The following PROZ variants were observed in gnomAD, a reference collection of about 807,000 sequenced individuals.
PROZ encodes vitamin K-dependent protein Z.
In PROZ, 46 loss-of-function variants were observed where a neutral mutation model predicts 34.9. That is an observed-to-expected ratio of 1.32 (90% CI 1.04 to 1.69). PROZ has a LOEUF of 1.69. PROZ is among the 40% of genes most tolerant of loss of function. The pLI, the probability that PROZ is intolerant of heterozygous loss-of-function variation, is 0.00. For missense variants in PROZ, 530 were observed against 520.4 expected (o/e 1.02, Z -0.18); for synonymous variants, 195 against 208.5 (o/e 0.94, Z 0.56).
intron 6 of PROZ, among the ~76,000 whole-genome samples, chr13:113,166,912 G>A (rs978546825): frequency 6.6e-6 from 1 of 152,164 alleles, no homozygotes; most frequent in Non-Finnish European, 1.5e-5. Flanking sequence ...ATACCAGCAA[G>A]GCTAAGAGCC....
Position 113,171,526 on chromosome 13 carries a change from G to A in PROZ, c.692-68G>A. 27 of 1,603,896 alleles carry A rather than the reference G, an allele frequency of 1.7e-5. No individual in the cohort carries two copies. Among genetic ancestry groups the A allele is most frequent in the Non-Finnish European group, 2.3e-5 (27 of 1,175,098 alleles). ...CCCTCCTCACGTGGCTCCCTGAGAA[G>A]CTCGTTTGAGCATTATGTCCCCTTG... is the stretch of plus-strand genomic sequence containing the variant. On this transcript the variant is annotated intron_variant, in intron 7 of 7. Coordinates refer to ENST00000375547, the MANE Select transcript of PROZ (RefSeq NM_003891.3). The surrounding 1 kb of genome is among the most constrained non-coding windows in gnomAD (Gnocchi z 5.1).
rs535697073 is a variant in PROZ, at chr13:113,159,879, G to T, written c.71-135G>T. On this transcript the variant is annotated intron_variant, in intron 1 of 7. Transcript: ENST00000375547. This position sits in a 1 kb window ranked among gnomAD's most constrained non-coding sequence, Gnocchi z 4.6. ...GGGGAGGGAGTAGCGGGGTGGCCCT[G>T]AGGCCCTCGCAGGCTGAGAGCCTGT... The T allele has an allele frequency of 2.2e-4, 231 of 1,037,764 alleles. 2 individuals carry two copies. In the East Asian group the frequency reaches 5.4e-3, roughly 24 times the overall value. 64.3% of individuals were successfully genotyped at this position (1,037,764 alleles called of 1,614,324 possible). A position where few individuals can be genotyped will look rare whatever the true frequency, so the allele number is the denominator to read the frequency against.
chr13:113,160,310 GT>G, intron 2 of PROZ, 133 bp downstream of exon 2: 1 of 1,157,674 alleles, frequency 8.6e-7, no homozygotes, highest in Non-Finnish European at 1.3e-6. Flanking sequence ...CACAATCCCA[GT>G]TTTACAGATG....
In PROZ at chr13:113,171,637, G is replaced by C. The variant is rs767733561; in HGVS notation, c.735G>C (p.Thr245=). 6.2e-7 allele frequency: 1 copy of C among 1,614,130 alleles called. No homozygotes were observed. Among genetic ancestry groups the C allele is most frequent in the Non-Finnish European group, 8.5e-7 (1 of 1,180,032 alleles). The part of the protein sequence containing the change: ...TSQDPLMIKI[T]HVHVHMRYDA... ...AAGACCCGCTGATGATCAAGATAAC[G>C]CACGTCCATGTGCACATGCGGTATG... Residue 245 remains threonine (T), a synonymous_variant, in exon 8 of 8, where the codon ACG becomes ACC. Transcript: ENST00000375547. This position sits in a 1 kb window ranked among gnomAD's most constrained non-coding sequence, Gnocchi z 5.1.
chr13:113,168,848 C>T (rs537948951), intron 6 of PROZ, among the ~76,000 whole-genome samples: 47 of 152,258 alleles, frequency 3.1e-4, no homozygotes, highest in African/African-American at 1.0e-3. Flanking sequence ...CCCACCTCAG[C>T]GTCTTGAGTA....
Position 113,165,057 on chromosome 13 carries a change from G to A in PROZ, c.510G>A (p.Gln170=). Residue 170 remains glutamine (Q), a synonymous_variant, in exon 6 of 8, where the codon CAG becomes CAA. Transcript: ENST00000375547. The part of the protein sequence containing the change: ...EDHKQCVPHD[Q]CACGVLTSEK... ...ATGTTGCTGCCGCAAATGCAGACCA[G>A]TGTGCCTGCGGGGTGCTGACCTCTG... The A allele has an allele frequency of 6.2e-7, 1 of 1,613,488 alleles. No individual in the cohort carries two copies. The highest frequency in any genetic ancestry group is 8.5e-7 in the Non-Finnish European group (1 of 1,180,008).
rs750999097 is a variant in PROZ, at chr13:113,163,099, A to G, written c.350A>G (p.Tyr117Cys). The G allele has an allele frequency of 7.1e-6, 11 of 1,555,522 alleles. No individual in the cohort carries two copies. In the South Asian group the frequency reaches 1.2e-4, roughly 17 times the overall value. Residue 117 changes from tyrosine to cysteine, a missense_variant, in exon 4 of 8, where the codon TAT (tyrosine) becomes TGT (cysteine). By Grantham distance (194) the Tyr-to-Cys change is radical. Coordinates refer to ENST00000375547, the MANE Select transcript of PROZ (RefSeq NM_003891.3). ...TACACCTGCACCTGCTCCCCCGGCT[A>G]TGAGGGCAGCAACTGCGAGCTGGGT... is the stretch of plus-strand genomic sequence containing the variant. ...WGYTCTCSPG[Y>C]EGSNCELAKN...
rs746690465 is a variant in PROZ at position 113,160,146 on chromosome 13, CAAGAG to C, written c.207_211del (p.Arg69SerfsTer3). Reference sequence around the variant, plus strand: ...GAAGAAATCTGTGTCTATGAAGAAGCAAGAGAAGTGTTTGAAAATGAAGTAGTCAC... The same window carrying C: ...GAAGAAATCTGTGTCTATGAAGAAGCAAGTGTTTGAAAATGAAGTAGTCAC... On this transcript the variant is annotated frameshift_variant, in exon 2 of 8. Coordinates refer to ENST00000375547, the MANE Select transcript of PROZ (RefSeq NM_003891.3). LOFTEE classifies it high-confidence loss of function. 4 of 1,614,158 alleles carry C rather than the reference CAAGAG, an allele frequency of 2.5e-6. No individual in the cohort carries two copies. Among genetic ancestry groups the C allele is most frequent in the Non-Finnish European group, 3.4e-6 (4 of 1,180,032 alleles).
Position 113,171,535 on chromosome 13 carries a change from A to C in PROZ, c.692-59A>C. 6.2e-7 allele frequency: 1 copy of C among 1,609,858 alleles called. No homozygotes were observed. Among genetic ancestry groups the C allele is most frequent in the Non-Finnish European group, 8.5e-7 (1 of 1,178,230 alleles). ...CGTGGCTCCCTGAGAAGCTCGTTTGAGCATTATGTCCCCTTGAAAATCAGA... is the reference window on the plus strand; with the variant it reads ...CGTGGCTCCCTGAGAAGCTCGTTTGCGCATTATGTCCCCTTGAAAATCAGA... On this transcript the variant is annotated intron_variant, in intron 7 of 7. Transcript: ENST00000375547. The surrounding 1 kb of genome is among the most constrained non-coding windows in gnomAD (Gnocchi z 5.1).
chr13:113,164,481 C>A (rs189431886), intron 4 of PROZ, 32 bp from the exon 5 acceptor site: 9 of 1,584,392 alleles, frequency 5.7e-6, no homozygotes, highest in African/African-American at 1.5e-5. Context: ...TATTTCCAAG[C>A]TAGCATTTCC....
rs772665917 is a variant in PROZ, at chr13:113,172,145, G to T, written c.*40G>T. On this transcript the variant is annotated 3_prime_UTR_variant, in exon 8 of 8. Transcript: ENST00000375547. The stretch of plus-strand genomic sequence containing the variant: ...GCCAGAATGAACAACACAACCGGAA[G>T]CGGGATTCCAAGCTGGCACTGCCAC... 6.2e-7 allele frequency: 1 copy of T among 1,606,344 alleles called. No individual in the cohort carries two copies. Among genetic ancestry groups the T allele is most frequent in the South Asian group, 1.1e-5 (1 of 90,160 alleles).
chr13:113,172,183 T>C lies in PROZ; in HGVS notation c.*78T>C, dbSNP rs2037129607. On this transcript the variant is annotated 3_prime_UTR_variant, in exon 8 of 8. Coordinates refer to ENST00000375547, the MANE Select transcript of PROZ (RefSeq NM_003891.3). ...CTGGCACTGCCACTGTGGAGGGCGC[T>C]GAAACTTCATCACACACTGAGAGGC... 1 of 1,557,038 alleles carries C rather than the reference T, an allele frequency of 6.4e-7. No homozygotes were observed. The highest frequency in any genetic ancestry group is 1.4e-5 in the African/African-American group (1 of 73,866).
Position 113,171,499 on chromosome 13 carries a change from C to G in PROZ, c.692-95C>G. On this transcript the variant is annotated intron_variant, in intron 7 of 7. Coordinates refer to ENST00000375547, the MANE Select transcript of PROZ (RefSeq NM_003891.3). This position sits in a 1 kb window ranked among gnomAD's most constrained non-coding sequence, Gnocchi z 5.1. ...CCTGCGGGTCCTCCAGGGCCGGTCT[C>G]TCCCTCCTCACGTGGCTCCCTGAGA... The G allele has an allele frequency of 6.5e-7, 1 of 1,532,632 alleles. No homozygotes were observed. The allele number at this position is 1,532,632 out of a possible 1,614,324, so 94.9% of individuals were successfully genotyped here. A position where few individuals can be genotyped will look rare whatever the true frequency, so the allele number is the denominator to read the frequency against.
chr13:113,167,118 T>C (rs1050635917), intron 6 of PROZ, among the ~76,000 whole-genome samples: 2 of 152,216 alleles, frequency 1.3e-5, no homozygotes, highest in African/African-American at 4.8e-5. Context: ...TAGCAGGACA[T>C]AGGGTTGAAG....
Position 113,171,976 on chromosome 13 carries a change from C to T in PROZ, c.1074C>T (p.Thr358=), listed in dbSNP as rs2037124564. ...AMHWMDGSVV[T]REHRGSWFLT... ...ACTGGATGGATGGAAGTGTGGTCAC[C>T]AGAGAACACAGAGGCTCCTGGTTTC... The change falls in exon 8 of 8, where the codon ACC becomes ACT. Residue 358 remains threonine, a synonymous_variant. Coordinates refer to ENST00000375547, the MANE Select transcript of PROZ (RefSeq NM_003891.3). The surrounding 1 kb of genome is among the most constrained non-coding windows in gnomAD (Gnocchi z 5.1). 2 of 1,613,396 alleles carry T rather than the reference C, an allele frequency of 1.2e-6. No homozygotes were observed. Among genetic ancestry groups the T allele is most frequent in the South Asian group, 1.1e-5 (1 of 91,076 alleles).
Position 113,172,282 on chromosome 13 carries a change from C to CT in PROZ, c.*178dup. The CT allele has an allele frequency of 1.3e-6, 1 of 780,058 alleles. No individual in the cohort carries two copies. The highest frequency in any genetic ancestry group is 1.6e-5 in the South Asian group (1 of 60,810). 48.3% of individuals were successfully genotyped at this position (780,058 alleles called of 1,614,324 possible). On this transcript the variant is annotated 3_prime_UTR_variant, in exon 8 of 8. Coordinates refer to ENST00000375547, the MANE Select transcript of PROZ (RefSeq NM_003891.3). Reference sequence around the variant, plus strand: ...CGTTTGCTGGGTTGTTTACCGAGCACTGTGACCTTTCTTTCCCTGGAACTC... The same window carrying CT: ...CGTTTGCTGGGTTGTTTACCGAGCACTTGTGACCTTTCTTTCCCTGGAACTC...
In PROZ at chr13:113,158,832, C is replaced by A. The variant is rs2036708142; in HGVS notation, c.70+102C>A. On this transcript the variant is annotated intron_variant, in intron 1 of 7. Transcript: ENST00000375547. This position sits in a 1 kb window ranked among gnomAD's most constrained non-coding sequence, Gnocchi z 4.3. ...AGGCTTTTTCCAGGAGCCAGAGGAG[C>A]CCTGAGTGCCCAGACTAGTCTTAAT... 1 of 1,146,866 alleles carries A rather than the reference C, an allele frequency of 8.7e-7. No individual in the cohort carries two copies. Among genetic ancestry groups the A allele is most frequent in the Non-Finnish European group, 1.3e-6 (1 of 787,244 alleles). 71.0% of individuals were successfully genotyped at this position (1,146,866 alleles called of 1,614,324 possible).
At position 113,158,783 on chromosome 13, in the gene PROZ, C is replaced by G. The variant is rs893736174; in HGVS notation, c.70+53C>G. 9.9e-6 allele frequency: 15 copies of G among 1,517,766 alleles called. No homozygotes were observed. The highest frequency in any genetic ancestry group is 1.3e-5 in the Non-Finnish European group (15 of 1,116,366). The allele number at this position is 1,517,766 out of a possible 1,614,324, so 94.0% of individuals were successfully genotyped here. ...TGCCTGTGCTGTGTCTTTCTTGACT[C>G]GGTCCATGGTGGATTTGTAGATGAG... On this transcript the variant is annotated intron_variant, in intron 1 of 7. Coordinates refer to ENST00000375547, the MANE Select transcript of PROZ (RefSeq NM_003891.3). The surrounding 1 kb of genome is among the most constrained non-coding windows in gnomAD (Gnocchi z 4.3).
chr13:113,165,121 G>T lies in PROZ; in HGVS notation c.573+1G>T. 1 of 1,610,790 alleles carries T rather than the reference G, an allele frequency of 6.2e-7. No individual in the cohort carries two copies. Among genetic ancestry groups the T allele is most frequent in the Non-Finnish European group, 8.5e-7 (1 of 1,179,724 alleles). On this transcript the variant is annotated splice_donor_variant, in intron 6 of 7. Coordinates refer to ENST00000375547, the MANE Select transcript of PROZ (RefSeq NM_003891.3). LOFTEE classifies it high-confidence loss of function. ...GGATCTACAGGACCTCCCGTGGCAGGTAACAGAGCGCTCTCCGCGTGCTTC... is the reference window on the plus strand; with the variant it reads ...GGATCTACAGGACCTCCCGTGGCAGTTAACAGAGCGCTCTCCGCGTGCTTC...
Sources: allele counts gnomAD v4.1 joint callset (sites outside exome capture counted in the v4.1 genomes callset), GRCh38; gene constraint gnomAD v4.1.1; non-coding constraint Gnocchi (gnomAD v3.1); transcripts MANE v1.5; gene names NCBI Gene and HGNC (gene_info 2026-07-23, HGNC 2026-07-21).